DRP2: variants seen among roughly 807,000 people sequenced by gnomAD.
The protein encoded by DRP2 is dystrophin-related protein 2.
A neutral mutation model predicts 78.2 loss-of-function variants in DRP2; 29 were observed. The observed-to-expected ratio is 0.37, with a 90% CI of 0.28 to 0.51. The LOEUF is 0.51. DRP2 is among the 20% of genes least tolerant of loss of function. The pLI is 0.94. For missense variants in DRP2, 686 were observed against 770.6 expected (o/e 0.89, Z 1.30); for synonymous variants, 290 against 281.9 (o/e 1.03, Z -0.29).
chrX:101,252,707 T>TGA lies in DRP2; in HGVS notation c.1968_1969insGA (p.Tyr657AspfsTer11). On this transcript the variant is annotated frameshift_variant, in exon 17 of 24. Coordinates refer to ENST00000395209, the MANE Select transcript of DRP2 (RefSeq NM_001939.3). LOFTEE classifies it high-confidence loss of function. ...AGCTGCACTACCCCATCATGGAGTA[T>TGA]TACACACCGGTATGAAGCCTCCAGG... 1 of 1,208,449 alleles carries TGA rather than the reference T, an allele frequency of 8.3e-7. No individual in the cohort carries two copies. The highest frequency in any genetic ancestry group is 1.1e-6 in the Non-Finnish European group (1 of 892,870).
At chrX:101,236,917 T>C (rs1413690690) in intron 4 of DRP2, among the ~76,000 whole-genome samples, 3 of 111,833 alleles carry the variant, frequency 2.7e-5, no homozygotes, top group Non-Finnish European at 5.6e-5. Flanking sequence ...GTTATTATTG[T>C]CAGCCAAGGG....
intron 14 of DRP2, among the ~76,000 whole-genome samples, chrX:101,249,969 T>G (rs945469011): frequency 5.4e-5 from 6 of 112,074 alleles, no homozygotes; most frequent in African/African-American, 1.9e-4. Context: ...GAGAGATTAC[T>G]GCAGTGTCAG....
chrX:101,231,175 A>G (rs1482092056), intron 2 of DRP2, among the ~76,000 whole-genome samples: 1 of 112,610 alleles, frequency 8.9e-6, no homozygotes, highest in Non-Finnish European at 1.9e-5. Context: ...GACTCATCTC[A>G]AGTGTGCTCT....
intron 1 of DRP2, among the ~76,000 whole-genome samples, chrX:101,222,400 C>A (rs1921926277): frequency 8.9e-6 from 1 of 112,014 alleles, no homozygotes; most frequent in Non-Finnish European, 1.9e-5. Flanking sequence ...TCTAGTCCAA[C>A]AATGCATTTC....
rs1002617706 is a variant in DRP2 at position 101,231,734 on chromosome X, C to T, written c.87C>T (p.Ser29=). 1.7e-6 allele frequency: 2 copies of T among 1,208,867 alleles called. No homozygotes were observed. Among genetic ancestry groups the T allele is most frequent in the Admixed American group, 2.2e-5 (1 of 45,653 alleles). The change falls in exon 3 of 24, where the codon AGC becomes AGT. Residue 29 remains serine, a synonymous_variant. Transcript: ENST00000395209. The stretch of plus-strand genomic sequence containing the variant: ...CAGCTGACCAGTTCCATCATAGCAG[C>T]AGCCTCCGAAGCACCTGCCCCCACC... ...WQAADQFHHS[S]SLRSTCPHPQ...
intron 6 of DRP2, among the ~76,000 whole-genome samples, 194 bp from the exon 7 acceptor site, chrX:101,241,474 T>TTA (rs1556419435): frequency 1.8e-5 from 2 of 110,084 alleles, no homozygotes; most frequent in African/African-American, 3.3e-5. Context: ...AGTTTTTTTT[T>TTA]AAAAAAAACG....
intron 3 of DRP2, among the ~76,000 whole-genome samples, chrX:101,233,756 G>T (rs1281474561): frequency 8.9e-6 from 1 of 111,975 alleles, no homozygotes; most frequent in Non-Finnish European, 1.9e-5. Flanking sequence ...GGTAGCACAG[G>T]CAGGACACAG....
intron 10 of DRP2, 102 bp from the exon 11 acceptor site, chrX:101,245,286 C>A: frequency 1.1e-6 from 1 of 905,035 alleles, no homozygotes; most frequent in Non-Finnish European, 1.6e-6. Context: ...TCGAACCCTG[C>A]AGCTTCTTGC....
In DRP2 at chrX:101,255,366, G is replaced by C. The variant is rs1256515281; in HGVS notation, c.2246+117G>C. 4.1e-6 allele frequency: 3 copies of C among 739,427 alleles called. No homozygotes were observed. The African/African-American group carries it at 6.3e-5, about 16-fold the overall frequency. 60.9% of individuals were successfully genotyped at this position (739,427 alleles called of 1,213,427 possible). A position where few individuals can be genotyped will look rare whatever the true frequency, so the allele number is the denominator to read the frequency against. On this transcript the variant is annotated intron_variant, in intron 20 of 23. Transcript: ENST00000395209. The stretch of plus-strand genomic sequence containing the variant: ...GGGTGTGTGGTGGTTAGGATCCTTA[G>C]CTCCCTAAGGAAGGAAGGCTGCTTT...
At position 101,250,727 on chromosome X, in the gene DRP2, C is replaced by G. The variant is rs73556821; in HGVS notation, c.1698+147C>G. ...GGATGGAACAACAGGGCAGAGGGTT[C>G]TCTGGGCTCTAGAATCATAGTCCTG... On this transcript the variant is annotated intron_variant, in intron 15 of 23. Coordinates refer to ENST00000395209, the MANE Select transcript of DRP2 (RefSeq NM_001939.3). The G allele has an allele frequency of 0.011, 9,907 of 934,324 alleles. 586 individuals are homozygous for G. The African/African-American group carries it at 0.17, about 16-fold the overall frequency. The allele number at this position is 934,324 out of a possible 1,213,427, so 77.0% of individuals were successfully genotyped here.
chrX:101,245,150 T>C (rs1397016062), intron 10 of DRP2, 73 bp downstream of exon 10: 3 of 1,027,070 alleles, frequency 2.9e-6, no homozygotes, highest in Non-Finnish European at 4.0e-6. Flanking sequence ...TTTTGCTACC[T>C]GTCCTTGTCA....
At chrX:101,259,795 G>C (rs747279865) in intron 22 of DRP2, among the ~76,000 whole-genome samples, 1 of 112,374 alleles carries the variant, frequency 8.9e-6, no homozygotes, top group African/African-American at 3.2e-5. Context: ...ACCGCGCCCA[G>C]CCTACAATGC....
chrX:101,243,435 A>T (rs1922811130), intron 9 of DRP2, among the ~76,000 whole-genome samples: 1 of 106,502 alleles, frequency 9.4e-6, no homozygotes, highest in South Asian at 4.3e-4. Context: ...CTCAAATCGG[A>T]GAGATCTGGG....
In DRP2 at chrX:101,245,439, C is replaced by T. The variant is rs1922895626; in HGVS notation, c.1167C>T (p.Tyr389=). ...CWDHPKMTEL[Y]QTLADLNNIK... is the part of the protein sequence containing the mutation. ...ACCATCCCAAGATGACAGAGTTATACCAAACCCTAGGTAAGAATGTGGGCT... is the reference window on the plus strand; with the variant it reads ...ACCATCCCAAGATGACAGAGTTATATCAAACCCTAGGTAAGAATGTGGGCT... Residue 389 remains tyrosine, a synonymous_variant, in exon 11 of 24, where the codon TAC becomes TAT. Coordinates refer to ENST00000395209, the MANE Select transcript of DRP2 (RefSeq NM_001939.3). 1 of 1,202,352 alleles carries T rather than the reference C, an allele frequency of 8.3e-7. No individual in the cohort carries two copies. The highest frequency in any genetic ancestry group is 1.8e-5 in the African/African-American group (1 of 56,943).
chrX:101,248,713 C>T (rs1350981433), intron 14 of DRP2, 114 bp downstream of exon 14: 8 of 631,196 alleles, frequency 1.3e-5, no homozygotes, highest in Admixed American at 2.6e-5. Flanking sequence ...CAGAGGGCTA[C>T]TTGGGCTACC....
chrX:101,258,553 A>G lies in DRP2; in HGVS notation c.2628+7A>G. 1 of 1,168,377 alleles carries G rather than the reference A, an allele frequency of 8.6e-7. No individual in the cohort carries two copies. The highest frequency in any genetic ancestry group is 1.8e-5 in the African/African-American group (1 of 56,576). ...GAGGGAGCTTCTCCTGCAGGTGAGG[A>G]TGGAGACAGGAAAAGAGCCAGGGTG... is the stretch of plus-strand genomic sequence containing the variant. On this transcript the variant is annotated splice_region_variant and intron_variant, in intron 22 of 23. Coordinates refer to ENST00000395209, the MANE Select transcript of DRP2 (RefSeq NM_001939.3).
intron 16 of DRP2, 107 bp downstream of exon 16, chrX:101,251,190 T>C (rs1923130009): frequency 2.7e-6 from 2 of 734,987 alleles, no homozygotes; most frequent in South Asian, 6.2e-5. Context: ...TAATTACAGC[T>C]AGTCTATTGT....
At chrX:101,229,681 T>C (rs781152381) in intron 2 of DRP2, among the ~76,000 whole-genome samples, 2 of 111,088 alleles carry the variant, frequency 1.8e-5, no homozygotes, top group Non-Finnish European at 3.8e-5. Flanking sequence ...GGTTATTTAA[T>C]TATCTGCATC....
intron 2 of DRP2, among the ~76,000 whole-genome samples, chrX:101,225,786 A>T (rs1344594709): frequency 8.9e-6 from 1 of 111,841 alleles, no homozygotes; most frequent in Non-Finnish European, 1.9e-5. Flanking sequence ...TTAGTAAAAA[A>T]TTTTATCTCC....
Sources: allele counts gnomAD v4.1 joint callset (sites outside exome capture counted in the v4.1 genomes callset), GRCh38; gene constraint gnomAD v4.1.1; transcripts MANE v1.5; gene names NCBI Gene and HGNC (gene_info 2026-07-23, HGNC 2026-07-21).